The following GPC6 variants were observed in gnomAD, a reference collection of about 807,000 sequenced individuals.
GPC6 encodes glypican 6.
Under a neutral mutation model 55.2 loss-of-function variants are expected in GPC6, and 14 were observed. The ratio of observed to expected loss-of-function variants is 0.25; its 90% confidence interval spans 0.17 to 0.40. The LOEUF (loss-of-function observed/expected upper bound fraction) is 0.40, where lower values mean the gene tolerates loss of function less well. Ranked by LOEUF, GPC6 falls within the 10% of genes least tolerant of loss-of-function variation. GPC6 has a pLI of 1.00. For missense variants in GPC6, 641 were observed against 708.5 expected (o/e 0.90, Z 1.08); for synonymous variants, 278 against 259.6 (o/e 1.07, Z -0.68).
intron 4 of GPC6, among the ~76,000 whole-genome samples, chr13:94,046,338 T>G (rs1169701261): frequency 6.6e-6 from 1 of 152,096 alleles, no homozygotes; most frequent in Non-Finnish European, 1.5e-5. Context: ...GAATTGCTTT[T>G]GCAGAATATA....
chr13:94,049,450 GATACC>G (rs1883857479), intron 4 of GPC6, among the ~76,000 whole-genome samples: 1 of 152,158 alleles, frequency 6.6e-6, no homozygotes, highest in South Asian at 2.1e-4. Context: ...ATTTGCCTCA[GATACC>G]TGGGACCTGG....
chr13:94,210,647 A>G (rs1890048941), intron 4 of GPC6, among the ~76,000 whole-genome samples: 1 of 152,224 alleles, frequency 6.6e-6, no homozygotes, highest in African/African-American at 2.4e-5. Flanking sequence ...AGCAGAAATT[A>G]TTTTATAACC....
At chr13:93,775,370 A>C (rs1885434083) in intron 2 of GPC6, among the ~76,000 whole-genome samples, 1 of 152,176 alleles carries the variant, frequency 6.6e-6, no homozygotes, top group Admixed American at 6.6e-5. Flanking sequence ...AAAGAAGTTC[A>C]ATTACAGGCT....
At chr13:93,558,056 T>A (rs1875573810) in intron 2 of GPC6, among the ~76,000 whole-genome samples, 2 of 152,186 alleles carry the variant, frequency 1.3e-5, no homozygotes, top group South Asian at 4.1e-4. Context: ...GCACAGGCCT[T>A]GGATCTTCAC....
At chr13:94,276,050 A>G (rs1361920692) in intron 4 of GPC6, among the ~76,000 whole-genome samples, 1 of 152,202 alleles carries the variant, frequency 6.6e-6, no homozygotes, top group African/African-American at 2.4e-5. Flanking sequence ...ATAAGCCCAT[A>G]TCTTTGACCC....
At chr13:94,287,434 A>G (rs1228950615) in intron 5 of GPC6, among the ~76,000 whole-genome samples, 1 of 152,204 alleles carries the variant, frequency 6.6e-6, no homozygotes, top group Non-Finnish European at 1.5e-5. Flanking sequence ...AGGTAGTAGG[A>G]AGACATTGCA....
chr13:93,544,184 G>A (rs547692474), intron 1 of GPC6, among the ~76,000 whole-genome samples: 10 of 152,016 alleles, frequency 6.6e-5, no homozygotes, highest in South Asian at 2.1e-4. Flanking sequence ...AAGACCTAAC[G>A]TTAATATGTA....
Position 93,893,950 on chromosome 13 carries a change from C to T in GPC6, c.711+63405C>T, listed in dbSNP as rs116446279. ...TCACCTTTTCCTCAATTAAGAACAC[C>T]GGTCCACATGCAGCTCATGTAAATA... is the stretch of plus-strand genomic sequence containing the variant. On this transcript the variant is annotated intron_variant, in intron 3 of 8. Transcript: ENST00000377047. Among the ~76,000 whole-genome samples, 975 of 152,246 alleles carry T rather than the reference C, an allele frequency of 6.4e-3. 3 individuals carry two copies. The highest frequency in any genetic ancestry group is 0.013 in the African/African-American group (557 of 41,538).
At chr13:94,344,815 C>CTTGAATTTTTA (rs1252674874) in intron 6 of GPC6, among the ~76,000 whole-genome samples, 1 of 152,244 alleles carries the variant, frequency 6.6e-6, no homozygotes, top group Non-Finnish European at 1.5e-5. Context: ...AAAAATTACA[C>CTTGAATTTTTA]TTGAAAAGAT....
chr13:94,370,604 C>T (rs1483565922), intron 6 of GPC6, among the ~76,000 whole-genome samples: 1 of 152,164 alleles, frequency 6.6e-6, no homozygotes, highest in South Asian at 2.1e-4. Context: ...ATTTTCTTGT[C>T]TCATTAAATC....
chr13:93,840,481 A>G (rs1887911423), intron 3 of GPC6, among the ~76,000 whole-genome samples: 1 of 152,198 alleles, frequency 6.6e-6, no homozygotes, highest in African/African-American at 2.4e-5. Flanking sequence ...CCCCAAACAG[A>G]TAATTTGAAA....
chr13:94,033,867 C>G (rs1281391350), intron 4 of GPC6, among the ~76,000 whole-genome samples: 1 of 152,148 alleles, frequency 6.6e-6, no homozygotes, highest in Non-Finnish European at 1.5e-5. Flanking sequence ...TTATGTAATA[C>G]AAGAGCCTAT....
chr13:94,360,457 T>G (rs1262528960), intron 6 of GPC6, among the ~76,000 whole-genome samples: 3 of 152,222 alleles, frequency 2.0e-5, no homozygotes, highest in Admixed American at 2.0e-4. Context: ...GAAGATGGGC[T>G]GATTTAAAAT....
At chr13:93,881,476 A>G (rs1007496820) in intron 3 of GPC6, among the ~76,000 whole-genome samples, 1 of 152,066 alleles carries the variant, frequency 6.6e-6, no homozygotes, top group Non-Finnish European at 1.5e-5. Context: ...TTTAGGGCCA[A>G]TGTAGGCCTA....
intron 4 of GPC6, among the ~76,000 whole-genome samples, chr13:94,146,312 GA>G (rs897517397): frequency 2.7e-5 from 4 of 148,838 alleles, no homozygotes; most frequent in East Asian, 2.0e-4. Flanking sequence ...GAAAATAAAA[GA>G]AAAAAAAACA....
rs879350059 is a variant in GPC6 at position 94,067,620 on chromosome 13, T to TAGATAGACAGAC, written c.877+39729_877+39730insTAGACAGACAGA. On this transcript the variant is annotated intron_variant, in intron 4 of 8. Transcript: ENST00000377047. Reference sequence around the variant, plus strand: ...ATAGATAGATAGATAGATAGATAGATAGACAGACAGACAGACAGATAGACA... The same window carrying TAGATAGACAGAC: ...ATAGATAGATAGATAGATAGATAGATAGATAGACAGACAGACAGACAGACAGACAGATAGACA... 2.1e-4 allele frequency among the ~76,000 whole-genome samples: 25 copies of TAGATAGACAGAC among 121,014 alleles called. No homozygotes were observed. In the South Asian group the frequency reaches 3.5e-3, roughly 17 times the overall value. 79.4% of individuals were successfully genotyped at this position (121,014 alleles called of 152,430 possible). A position where few individuals can be genotyped will look rare whatever the true frequency, so the allele number is the denominator to read the frequency against.
chr13:94,340,184 G>A (rs533719524), intron 6 of GPC6, among the ~76,000 whole-genome samples: 1 of 152,300 alleles, frequency 6.6e-6, no homozygotes, highest in South Asian at 2.1e-4. Flanking sequence ...GCAACTGGGA[G>A]AAACTTAAAA....
In GPC6 at chr13:94,390,018, G is replaced by A. The variant is rs939316762; in HGVS notation, c.1289+7468G>A. ...CTGACAGAAATATTGTGTCCCCAAGGAAATCCTTCCCAAGGCCAAGAGGTA... is the reference window on the plus strand; with the variant it reads ...CTGACAGAAATATTGTGTCCCCAAGAAAATCCTTCCCAAGGCCAAGAGGTA... On this transcript the variant is annotated intron_variant, in intron 7 of 8. Coordinates refer to ENST00000377047, the MANE Select transcript of GPC6 (RefSeq NM_005708.5). 2.0e-4 allele frequency among the ~76,000 whole-genome samples: 30 copies of A among 152,308 alleles called. 1 individual carries two copies. The highest frequency in any genetic ancestry group is 8.8e-5 in the Non-Finnish European group (6 of 68,026).
At chr13:94,275,738 GA>G (rs138940825) in intron 4 of GPC6, among the ~76,000 whole-genome samples, 5 of 148,580 alleles carry the variant, frequency 3.4e-5, no homozygotes, top group African/African-American at 4.9e-5. Flanking sequence ...ATATCAAAAT[GA>G]AAAAAAAATC....
Sources: gnomAD v4.1 joint callset for allele counts (sites outside exome capture counted in the v4.1 genomes callset) on GRCh38, gnomAD v4.1.1 for gene constraint, MANE v1.5 for transcripts, NCBI Gene and HGNC (gene_info 2026-07-23, HGNC 2026-07-21) for gene names.